Variants in ZNF644 observed in about 807,000 individuals in gnomAD.
ZNF644 encodes zinc finger motif enhancer binding protein 2.
ZNF644 carries 20 observed loss-of-function variants against 108.0 expected under a neutral mutation model. The ratio of observed to expected loss-of-function variants is 0.19; its 90% CI spans 0.13 to 0.27. The LOEUF (loss-of-function observed/expected upper bound fraction) is 0.27. ZNF644 is among the 10% of genes least tolerant of loss of function. ZNF644 has a pLI of 1.00. For synonymous variants in ZNF644, 542 were observed against 539.1 expected, an observed-to-expected ratio of 1.01 and a Z score of -0.08; for missense variants, 1,338 against 1,548.9, an observed-to-expected ratio of 0.86 and a Z score of 2.29.
At chr1:90,964,678 T>A (rs1019385293) in intron 2 of ZNF644, among the ~76,000 whole-genome samples, 4 of 152,082 alleles carry the variant, frequency 2.6e-5, no homozygotes, top group Admixed American at 2.0e-4. Flanking sequence ...AATACCACAC[T>A]GAAGCAACAG....
intron 1 of ZNF644, among the ~76,000 whole-genome samples, chr1:91,015,188 A>T (rs1660322772): frequency 6.6e-6 from 1 of 152,178 alleles, no homozygotes; most frequent in African/African-American, 2.4e-5. Flanking sequence ...GTCTTTGACA[A>T]ATTTGCTTAT....
At chr1:91,000,565 A>C (rs998440561) in intron 1 of ZNF644, among the ~76,000 whole-genome samples, 2 of 152,214 alleles carry the variant, frequency 1.3e-5, no homozygotes, top group African/African-American at 4.8e-5. Context: ...TTATAGCACT[A>C]AATGCCCACA....
Position 90,916,611 on chromosome 1 carries a change from A to C in ZNF644, c.*187T>G. The stretch of plus-strand genomic sequence containing the variant: ...CATAAACCTTAAAAACACATCTTCC[A>C]CCCTATATAAAATATATAGACTACT... On this transcript the variant is annotated 3_prime_UTR_variant, in exon 6 of 6. Transcript: ENST00000337393. 3.1e-6 allele frequency: 2 copies of C among 645,300 alleles called. No homozygotes were observed. The highest frequency in any genetic ancestry group is 5.7e-5 in the East Asian group (2 of 35,204). 40.0% of individuals were successfully genotyped at this position (645,300 alleles called of 1,614,324 possible).
At chr1:90,969,110 C>A (rs1392406245) in intron 2 of ZNF644, among the ~76,000 whole-genome samples, 1 of 152,062 alleles carries the variant, frequency 6.6e-6, no homozygotes, top group Non-Finnish European at 1.5e-5. Flanking sequence ...TTGTGTTCCC[C>A]CCAAAATTCA....
At chr1:91,015,675 A>G (rs1028276022) in intron 1 of ZNF644, among the ~76,000 whole-genome samples, 2 of 152,202 alleles carry the variant, frequency 1.3e-5, no homozygotes, top group African/African-American at 2.4e-5. Context: ...TAACCTGGTT[A>G]TAAGATTCTG....
intron 4 of ZNF644, among the ~76,000 whole-genome samples, chr1:90,933,842 C>T (rs1339005214): frequency 6.6e-6 from 1 of 152,118 alleles, no homozygotes; most frequent in Non-Finnish European, 1.5e-5. Flanking sequence ...TGAATTACAA[C>T]CTTGCTACTT....
intron 2 of ZNF644, among the ~76,000 whole-genome samples, chr1:90,949,863 A>G (rs1249635211): frequency 6.6e-6 from 1 of 152,206 alleles, no homozygotes; most frequent in Non-Finnish European, 1.5e-5. Flanking sequence ...ATTTTTAGTT[A>G]GCAGCTAAAT....
chr1:91,020,248 G>T (rs570477662), intron 1 of ZNF644, among the ~76,000 whole-genome samples: 9 of 151,904 alleles, frequency 5.9e-5, no homozygotes, highest in Non-Finnish European at 1.3e-4. Flanking sequence ...TATCTGAAAA[G>T]AACAAGGAAA....
At position 90,959,941 on chromosome 1, in the gene ZNF644, C is replaced by A. The variant is rs530171118; in HGVS notation, c.45-18632G>T. 3.9e-5 allele frequency among the ~76,000 whole-genome samples: 6 copies of A among 152,210 alleles called. No homozygotes were observed. The South Asian group carries it at 1.2e-3, about 32-fold the overall frequency. ...TTACAGGTTTTAAATTGCTATTCTA[C>A]GGAGCTTGATGACATCTTGCACCAT... On this transcript the variant is annotated intron_variant, in intron 2 of 5. Coordinates refer to ENST00000337393, the MANE Select transcript of ZNF644 (RefSeq NM_201269.3).
chr1:90,917,057 TCC>T, intron 5 of ZNF644, 67 bp from the exon 6 acceptor site: 1 of 1,494,298 alleles, frequency 6.7e-7, no homozygotes, highest in Admixed American at 1.7e-5. Flanking sequence ...TCACACAAAA[TCC>T]TAAAACATAA....
intron 1 of ZNF644, among the ~76,000 whole-genome samples, chr1:90,987,241 A>C (rs1382781843): frequency 7.0e-6 from 1 of 143,340 alleles, no homozygotes; most frequent in Non-Finnish European, 1.5e-5. Flanking sequence ...TGAAACCTAG[A>C]GTTGGTTTTT....
At chr1:90,918,327 ATATTATCTGTACTGTACAGCGG>A (rs1649036985) in intron 4 of ZNF644, 173 bp from the exon 5 acceptor site, 1 of 653,804 alleles carries the variant, frequency 1.5e-6, no homozygotes, top group African/African-American at 1.8e-5. Flanking sequence ...AATAGCAGTA[ATATTATCTGTACTGTACAGCGG>A]TATTATCTGT....
At chr1:90,985,167 T>C (rs1423237315) in intron 1 of ZNF644, among the ~76,000 whole-genome samples, 2 of 152,192 alleles carry the variant, frequency 1.3e-5, no homozygotes, top group Non-Finnish European at 2.9e-5. Context: ...TTTATTTTTA[T>C]TTTATTAATT....
intron 1 of ZNF644, among the ~76,000 whole-genome samples, chr1:90,999,884 A>C (rs1409885246): frequency 6.6e-6 from 1 of 152,208 alleles, no homozygotes; most frequent in Non-Finnish European, 1.5e-5. Context: ...CAGGGGTTGC[A>C]ATCCTAGTCT....
intron 4 of ZNF644, among the ~76,000 whole-genome samples, chr1:90,920,118 A>G (rs751935452): frequency 9.9e-5 from 15 of 152,062 alleles, no homozygotes; most frequent in Non-Finnish European, 2.2e-4. Context: ...AGGGAACTCA[A>G]AGAGTAAGTG....
intron 1 of ZNF644, among the ~76,000 whole-genome samples, chr1:90,991,191 T>C (rs893229229): frequency 1.3e-5 from 2 of 152,186 alleles, no homozygotes; most frequent in African/African-American, 4.8e-5. Context: ...CTCAGTATCA[T>C]TTGTTACTGG....
chr1:90,963,647 T>A (rs1654552417), intron 2 of ZNF644, among the ~76,000 whole-genome samples: 1 of 152,124 alleles, frequency 6.6e-6, no homozygotes, highest in South Asian at 2.1e-4. Flanking sequence ...CTCTCAAACA[T>A]AATGTTGAAC....
At chr1:90,949,442 T>G (rs1474967638) in intron 2 of ZNF644, among the ~76,000 whole-genome samples, 1 of 152,122 alleles carries the variant, frequency 6.6e-6, no homozygotes, top group South Asian at 2.1e-4. Context: ...TATCTTAATT[T>G]AGGATGGTAA....
chr1:90,971,472 G>C (rs1253220878), intron 2 of ZNF644, among the ~76,000 whole-genome samples: 2 of 152,036 alleles, frequency 1.3e-5, no homozygotes, highest in Non-Finnish European at 2.9e-5. Context: ...CCAGGCTGAA[G>C]TGCAATGGCG....
Sources: allele counts gnomAD v4.1 joint callset (sites outside exome capture counted in the v4.1 genomes callset), GRCh38; gene constraint gnomAD v4.1.1; transcripts MANE v1.5; gene names NCBI Gene and HGNC (gene_info 2026-07-23, HGNC 2026-07-21).